TENM3: variants seen among roughly 807,000 people sequenced by gnomAD.
TENM3 encodes the protein teneurin-3.
TENM3 carries 63 observed loss-of-function variants against 255.1 expected under a neutral mutation model. That is an observed-to-expected ratio of 0.25 (90% CI 0.20 to 0.30). The LOEUF is 0.30. TENM3 is among the 10% of genes least tolerant of loss of function. The pLI is 1.00. For synonymous variants in TENM3, 1,306 were observed against 1,322.3 expected (o/e 0.99, Z 0.27); for missense variants, 2,929 against 3,461.1 (o/e 0.85, Z 3.86).
chr4:182,582,872 A>G (rs990120879), intron 3 of TENM3, among the ~76,000 whole-genome samples: 5 of 152,210 alleles, frequency 3.3e-5, no homozygotes, highest in African/African-American at 9.7e-5. Flanking sequence ...TACAGAAGTA[A>G]TGAGAATCGC....
chr4:181,826,140 A>C, the TENM3 span, among the ~76,000 whole-genome samples: 5 of 152,218 alleles, frequency 3.3e-5, no homozygotes, highest in Admixed American at 6.5e-5. Flanking sequence ...CCAGTTACAT[A>C]TATTTATTCC....
chr4:181,553,884 A>G, the TENM3 span, among the ~76,000 whole-genome samples: 1 of 151,714 alleles, frequency 6.6e-6, no homozygotes, highest in African/African-American at 2.4e-5. Context: ...GTGGGCTCTT[A>G]GCGCTGCCCA....
the TENM3 span, among the ~76,000 whole-genome samples, chr4:181,565,137 CAT>C: frequency 2.5e-4 from 38 of 152,330 alleles, no homozygotes; most frequent in African/African-American, 7.5e-4. Context: ...AGCTTTCTGA[CAT>C]AGTTGATTTT....
At chr4:182,631,742 C>T (rs990078276) in intron 5 of TENM3, 3 of 152,100 alleles carry the variant, frequency 2.0e-5, no homozygotes, top group Non-Finnish European at 2.9e-5. Flanking sequence ...CTTAGAATTC[C>T]CTTCTCTTAT....
the TENM3 span, among the ~76,000 whole-genome samples, chr4:181,598,071 C>T: frequency 6.6e-6 from 1 of 152,098 alleles, no homozygotes; most frequent in African/African-American, 2.4e-5. Flanking sequence ...AGGACGTGGT[C>T]TACTGAATAC....
chr4:181,830,848 A>G, the TENM3 span, among the ~76,000 whole-genome samples: 2 of 150,992 alleles, frequency 1.3e-5, no homozygotes, highest in African/African-American at 4.9e-5. Context: ...TCGCTCCTGT[A>G]ATGTTAAGCT....
chr4:182,710,181 G>A (rs1237466899), intron 12 of TENM3, among the ~76,000 whole-genome samples: 2 of 152,118 alleles, frequency 1.3e-5, no homozygotes, highest in African/African-American at 4.8e-5. Flanking sequence ...ATTAATTTTT[G>A]TAAACTAAGA....
the TENM3 span, among the ~76,000 whole-genome samples, chr4:182,027,282 C>T: frequency 6.6e-6 from 1 of 151,968 alleles, no homozygotes; most frequent in African/African-American, 2.4e-5. Flanking sequence ...GATTGCTCAC[C>T]GTTGGCATAT....
the TENM3 span, among the ~76,000 whole-genome samples, chr4:182,037,861 C>T: frequency 6.6e-6 from 1 of 151,646 alleles, no homozygotes; most frequent in East Asian, 1.9e-4. Flanking sequence ...AGACAGGGTC[C>T]CTCTTTGTCA....
At chr4:181,724,393 C>T in the TENM3 span, among the ~76,000 whole-genome samples, 2 of 151,690 alleles carry the variant, frequency 1.3e-5, no homozygotes, top group African/African-American at 4.8e-5. Context: ...GACTAGTTCT[C>T]TAAGTATTCA....
chr4:181,833,651 G>A, the TENM3 span, among the ~76,000 whole-genome samples: 1 of 151,914 alleles, frequency 6.6e-6, no homozygotes, highest in Non-Finnish European at 1.5e-5. Flanking sequence ...CCTGCTTTTA[G>A]ACCTTCCTGC....
intron 12 of TENM3, among the ~76,000 whole-genome samples, chr4:182,691,145 C>T (rs933665978): frequency 6.6e-6 from 1 of 152,240 alleles, no homozygotes; most frequent in Non-Finnish European, 1.5e-5. Context: ...AGTGGCCCTA[C>T]GGGGCCATTT....
intron 4 of TENM3, among the ~76,000 whole-genome samples, chr4:182,615,207 A>C (rs942173040): frequency 2.0e-5 from 3 of 151,852 alleles, no homozygotes; most frequent in Non-Finnish European, 2.9e-5. Flanking sequence ...TAGTAGGTAA[A>C]GAGAATGATT....
At chr4:182,638,016 C>T (rs1163593551) in intron 5 of TENM3, among the ~76,000 whole-genome samples, 1 of 149,108 alleles carries the variant, frequency 6.7e-6, no homozygotes, top group Non-Finnish European at 1.5e-5. Flanking sequence ...GAAAATTTAT[C>T]CATGTGTTAG....
chr4:182,240,235 G>C (rs900367341), upstream of TENM3, among the ~76,000 whole-genome samples: 1 of 152,084 alleles, frequency 6.6e-6, no homozygotes, highest in Non-Finnish European at 1.5e-5. Context: ...CTCTGAGTTT[G>C]GGAACCATAA....
intron 4 of TENM3, among the ~76,000 whole-genome samples, chr4:182,623,190 T>C (rs2152458869): frequency 6.6e-6 from 1 of 152,016 alleles, no homozygotes; most frequent in African/African-American, 2.4e-5. Flanking sequence ...TTTTTTTGTA[T>C]TTTTAGTAGA....
At chr4:182,310,685 G>T (rs1762389354) in intron 1 of TENM3, among the ~76,000 whole-genome samples, 1 of 150,752 alleles carries the variant, frequency 6.6e-6, no homozygotes, top group South Asian at 2.1e-4. Flanking sequence ...TTTTTTTTCA[G>T]GGAAATACAT....
the TENM3 span, among the ~76,000 whole-genome samples, chr4:181,537,179 T>C: frequency 2.0e-5 from 3 of 152,052 alleles, no homozygotes; most frequent in African/African-American, 7.2e-5. Context: ...GGTTGGGCTT[T>C]GATTAAGAAA....
At chr4:182,555,747 T>A (rs182219593) in intron 3 of TENM3, among the ~76,000 whole-genome samples, 1 of 152,328 alleles carries the variant, frequency 6.6e-6, no homozygotes, top group African/African-American at 2.4e-5. Flanking sequence ...TTTATTGATC[T>A]TGATTTTATG....
Sources: allele counts gnomAD v4.1 joint callset (sites outside exome capture counted in the v4.1 genomes callset), GRCh38; gene constraint gnomAD v4.1.1; transcripts MANE v1.5; gene names NCBI Gene and HGNC (gene_info 2026-07-23, HGNC 2026-07-21).